Variants in PRKG1 observed in about 807,000 individuals in gnomAD.
PRKG1 encodes the protein protein kinase cGMP-dependent 1, also known as cGMP-dependent protein kinase 1.
In PRKG1, 35 loss-of-function variants were observed where a neutral mutation model predicts 88.1. The ratio of observed to expected loss-of-function variants is 0.40; its 90% CI spans 0.30 to 0.53. PRKG1 has a LOEUF of 0.53. Ranked by LOEUF, PRKG1 falls within the 20% of genes least tolerant of loss-of-function variation. The pLI is 0.59. For missense variants in PRKG1, 540 were observed against 839.8 expected (o/e 0.64, Z 4.41); for synonymous variants, 303 against 292.5 (o/e 1.04, Z -0.37).
intron 5 of PRKG1, among the ~76,000 whole-genome samples, chr10:51,982,909 G>A (rs1844049129): frequency 6.6e-6 from 1 of 152,174 alleles, no homozygotes; most frequent in African/African-American, 2.4e-5. Context: ...AAGTGGTGGA[G>A]GCAGCATGGC....
At chr10:51,043,979 G>A (rs1843456726) in intron 1 of PRKG1, among the ~76,000 whole-genome samples, 2 of 152,088 alleles carry the variant, frequency 1.3e-5, no homozygotes, top group South Asian at 4.1e-4. Context: ...TGCTTCACAG[G>A]TACTAACTCA....
chr10:51,218,711 G>T (rs899122050), intron 2 of PRKG1, among the ~76,000 whole-genome samples: 6 of 151,654 alleles, frequency 4.0e-5, no homozygotes, highest in South Asian at 2.1e-4. Flanking sequence ...TAAGTGCTAT[G>T]AATACATATG....
chr10:52,224,424 C>A (rs1840326900), intron 9 of PRKG1, among the ~76,000 whole-genome samples: 1 of 151,780 alleles, frequency 6.6e-6, no homozygotes, highest in Non-Finnish European at 1.5e-5. Context: ...CTCCCTAGTA[C>A]CCTTTATTTG....
chr10:52,101,411 G>A (rs143978746), intron 7 of PRKG1, among the ~76,000 whole-genome samples: 84 of 152,194 alleles, frequency 5.5e-4, no homozygotes, highest in African/African-American at 2.0e-3. Context: ...ACTTTGTAGA[G>A]GCAGGTCATT....
rs898478065 is a variant in PRKG1 at position 52,295,335 on chromosome 10, T to A, written c.*1435T>A. The A allele has an allele frequency of 9.9e-5, 15 of 152,156 alleles. No homozygotes were observed. Among genetic ancestry groups the A allele is most frequent in the East Asian group, 1.9e-4 (1 of 5,190 alleles). 9.4% of individuals were successfully genotyped at this position (152,156 alleles called of 1,614,324 possible). Reference sequence around the variant, plus strand: ...GAGGAAAACAGGAACCTGATTTTTTTAAAATAAATTTTAAATAAAATAGAA... The same window carrying A: ...GAGGAAAACAGGAACCTGATTTTTTAAAAATAAATTTTAAATAAAATAGAA... On this transcript the variant is annotated 3_prime_UTR_variant, in exon 18 of 18. Transcript: ENST00000373980.
intron 5 of PRKG1, among the ~76,000 whole-genome samples, chr10:51,940,290 G>C (rs1055210427): frequency 2.0e-5 from 3 of 151,686 alleles, no homozygotes; most frequent in Non-Finnish European, 4.4e-5. Flanking sequence ...GCTTTCTACT[G>C]ATAATCAGCC....
At chr10:51,919,898 G>T (rs1479908552) in intron 5 of PRKG1, among the ~76,000 whole-genome samples, 1 of 152,068 alleles carries the variant, frequency 6.6e-6, no homozygotes, top group African/African-American at 2.4e-5. Context: ...AATTATGCCT[G>T]GTACTTATTA....
At chr10:52,293,104 T>C (rs1421446070) in intron 17 of PRKG1, among the ~76,000 whole-genome samples, 2 of 149,622 alleles carry the variant, frequency 1.3e-5, no homozygotes, top group Non-Finnish European at 3.0e-5. Flanking sequence ...ACAAGCATTC[T>C]TATACACCAA....
chr10:51,967,160 CA>C (rs1843589183), intron 5 of PRKG1, among the ~76,000 whole-genome samples: 1 of 152,108 alleles, frequency 6.6e-6, no homozygotes, highest in South Asian at 2.1e-4. Context: ...GGAACCAACC[CA>C]AATGTCCAAT....
intron 3 of PRKG1, among the ~76,000 whole-genome samples, chr10:51,673,911 A>C (rs1449146439): frequency 6.6e-6 from 1 of 152,172 alleles, no homozygotes; most frequent in Admixed American, 6.5e-5. Context: ...TATTGATCAC[A>C]CACAATCTCA....
intron 1 of PRKG1, among the ~76,000 whole-genome samples, chr10:51,003,557 G>A (rs537883699): frequency 1.2e-4 from 18 of 152,328 alleles, no homozygotes; most frequent in African/African-American, 3.8e-4. Context: ...ATGAGCATAC[G>A]CTAAATCTCA....
At chr10:51,274,280 C>T (rs1399202051) in intron 2 of PRKG1, among the ~76,000 whole-genome samples, 1 of 152,144 alleles carries the variant, frequency 6.6e-6, no homozygotes, top group African/African-American at 2.4e-5. Context: ...CATTGCTGTT[C>T]TTTCCTTTCC....
At chr10:51,304,602 T>A (rs2132246490) in intron 2 of PRKG1, among the ~76,000 whole-genome samples, 1 of 150,678 alleles carries the variant, frequency 6.6e-6, no homozygotes, top group South Asian at 2.1e-4. Flanking sequence ...CATTTAGCAT[T>A]AGGTATATCT....
rs537870569 is a variant in PRKG1, at chr10:51,550,543, A to G, written c.592+82707A>G. Among the ~76,000 whole-genome samples, 7 of 152,126 alleles carry G rather than the reference A, an allele frequency of 4.6e-5. No individual in the cohort carries two copies. The South Asian group carries it at 1.0e-3, about 23-fold the overall frequency. On this transcript the variant is annotated intron_variant, in intron 3 of 17. Coordinates refer to ENST00000373980, the MANE Select transcript of PRKG1 (RefSeq NM_006258.4). ...CTGGGAATAAACCTCTTAGAGATAC[A>G]AAATGCTAGTTTTCAAACTTACCAC...
At chr10:51,572,465 G>T (rs10823219) in intron 3 of PRKG1, among the ~76,000 whole-genome samples, 40,094 of 151,718 alleles carry the variant, frequency 0.26, 7,337 homozygotes, top group East Asian at 0.87. Flanking sequence ...TGGGAATTAT[G>T]AAGTGTTTAA....
intron 3 of PRKG1, among the ~76,000 whole-genome samples, chr10:51,742,438 A>G (rs913869633): frequency 1.3e-5 from 2 of 152,214 alleles, no homozygotes; most frequent in African/African-American, 4.8e-5. Flanking sequence ...ATGAGTTAAG[A>G]CACTTGTTGA....
chr10:51,567,807 A>G (rs144612154), intron 3 of PRKG1, among the ~76,000 whole-genome samples: 10,494 of 152,030 alleles, frequency 0.069, 1,178 homozygotes, highest in African/African-American at 0.24. Flanking sequence ...GGCTGTTCTC[A>G]AACTCCTGAC....
Position 51,409,840 on chromosome 10 carries a change from G to A in PRKG1, c.479-57883G>A, listed in dbSNP as rs1838026454. 4.8e-5 allele frequency among the ~76,000 whole-genome samples: 5 copies of A among 103,128 alleles called. No homozygotes were observed. In the South Asian group the frequency reaches 1.8e-3, roughly 36 times the overall value. The allele number at this position is 103,128 out of a possible 152,430, so 67.7% of individuals were successfully genotyped here. On this transcript the variant is annotated intron_variant, in intron 2 of 17. Coordinates refer to ENST00000373980, the MANE Select transcript of PRKG1 (RefSeq NM_006258.4). ...CTGCACTCCAGCCTGGCAACAGAGA[G>A]AGACTCTGTCAAAAAAAAAAAAAAA...
In PRKG1 at chr10:52,293,846, G is replaced by C; in HGVS notation, c.2007G>C (p.Glu669Asp). 1.2e-6 allele frequency: 2 copies of C among 1,613,310 alleles called. No homozygotes were observed. Among genetic ancestry groups the C allele is most frequent in the Non-Finnish European group, 1.7e-6 (2 of 1,179,458 alleles). Residue 669 changes from glutamate (E) to aspartate (D), a missense_variant, in exon 18 of 18, where the codon GAG becomes GAC. This residue lies in a region of PRKG1 where 97 missense variants were observed against 210.6 expected (regional missense o/e 0.46). Coordinates refer to ENST00000373980, the MANE Select transcript of PRKG1 (RefSeq NM_006258.4). The part of the protein sequence containing the change: ...TDTSNFDSFP[E>D]DNDEPPPDDN... ...CAAGTAATTTTGACAGTTTCCCTGA[G>C]GACAACGATGAACCACCACCTGATG...
Sources: gnomAD v4.1 joint callset for allele counts (sites outside exome capture counted in the v4.1 genomes callset) on GRCh38, gnomAD v4.1.1 for gene constraint, gnomAD v4.1.1 regional missense constraint, MANE v1.5 for transcripts, NCBI Gene and HGNC (gene_info 2026-07-23, HGNC 2026-07-21) for gene names.